LHFPL4: variants seen among roughly 807,000 people sequenced by gnomAD.
The protein encoded by LHFPL4 is LHFPL tetraspan subfamily member 4.
In LHFPL4, 6 loss-of-function variants were observed where a neutral mutation model predicts 20.0. That is an observed-to-expected ratio of 0.30 (90% CI 0.16 to 0.59). LHFPL4 has a LOEUF of 0.59. LHFPL4 is among the 20% of genes least tolerant of loss of function. The pLI is 0.88. For missense variants in LHFPL4, 215 were observed against 331.2 expected (o/e 0.65, Z 2.72); for synonymous variants, 129 against 143.8 (o/e 0.90, Z 0.74).
chr3:9,507,539 C>T (rs186884380), intron 2 of LHFPL4, among the ~76,000 whole-genome samples: 1 of 152,272 alleles, frequency 6.6e-6, no homozygotes, highest in Non-Finnish European at 1.5e-5. Flanking sequence ...AGTCATAATG[C>T]CAAAAGTAAT....
chr3:9,544,275 A>C (rs925002282), intron 2 of LHFPL4, among the ~76,000 whole-genome samples: 2 of 148,068 alleles, frequency 1.4e-5, no homozygotes, highest in Non-Finnish European at 2.9e-5. Flanking sequence ...AAGTCTGGAA[A>C]TAATTACAAT....
intron 2 of LHFPL4, among the ~76,000 whole-genome samples, chr3:9,518,915 G>C (rs1005828086): frequency 4.4e-4 from 44 of 99,858 alleles, no homozygotes; most frequent in South Asian, 2.9e-3. Flanking sequence ...CACCACATTG[G>C]CTAATTTTTG....
chr3:9,505,677 G>T (rs1240616045), intron 3 of LHFPL4, among the ~76,000 whole-genome samples: 2 of 152,114 alleles, frequency 1.3e-5, no homozygotes, highest in Non-Finnish European at 2.9e-5. Flanking sequence ...ACCCGCCTCG[G>T]CCTCCCAAAG....
chr3:9,518,241 A>G (rs1419301916), intron 2 of LHFPL4, among the ~76,000 whole-genome samples: 2 of 152,236 alleles, frequency 1.3e-5, no homozygotes, highest in Non-Finnish European at 2.9e-5. Flanking sequence ...CCAGGTTGGC[A>G]TACTTGGAAT....
chr3:9,527,541 C>T (rs996802496), intron 2 of LHFPL4, among the ~76,000 whole-genome samples: 2 of 151,830 alleles, frequency 1.3e-5, no homozygotes, highest in Non-Finnish European at 2.9e-5. Context: ...CATGGTGAAA[C>T]CCCATCTCTA....
chr3:9,552,195 C>A (rs2046559410), intron 2 of LHFPL4, 79 bp downstream of exon 2: 1 of 1,515,370 alleles, frequency 6.6e-7, no homozygotes, highest in East Asian at 2.3e-5. Context: ...CTATCCGACT[C>A]CTTCAGGAAG....
intron 2 of LHFPL4, among the ~76,000 whole-genome samples, chr3:9,522,711 C>G (rs1379737924): frequency 6.9e-6 from 1 of 144,092 alleles, no homozygotes; most frequent in Non-Finnish European, 1.5e-5. Context: ...CCATTGCACT[C>G]CAGCCTGAGC....
chr3:9,517,768 C>A (rs1167870051), intron 2 of LHFPL4, among the ~76,000 whole-genome samples: 1 of 141,838 alleles, frequency 7.1e-6, no homozygotes, highest in East Asian at 2.0e-4. Flanking sequence ...ACGTTATATT[C>A]TGCAATCTTG....
intron 2 of LHFPL4, among the ~76,000 whole-genome samples, chr3:9,517,758 A>G (rs2046312523): frequency 6.9e-6 from 1 of 145,734 alleles, no homozygotes; most frequent in Admixed American, 6.8e-5. Context: ...TTCTATATTG[A>G]CGTTATATTC....
At chr3:9,518,938 T>TTTATTTATTTATTTAC (rs2046320825) in intron 2 of LHFPL4, among the ~76,000 whole-genome samples, 1 of 143,784 alleles carries the variant, frequency 7.0e-6, no homozygotes, top group Admixed American at 7.1e-5. Context: ...TATTTATTTA[T>TTTATTTATTTATTTAC]TTATTTATTT....
chr3:9,528,687 C>G (rs1469048705), intron 2 of LHFPL4, among the ~76,000 whole-genome samples: 1 of 152,216 alleles, frequency 6.6e-6, no homozygotes, highest in Non-Finnish European at 1.5e-5. Flanking sequence ...GCAATCTCAG[C>G]TCACTGCAAC....
At chr3:9,521,806 C>G (rs1243341900) in intron 2 of LHFPL4, among the ~76,000 whole-genome samples, 1 of 152,028 alleles carries the variant, frequency 6.6e-6, no homozygotes, top group Non-Finnish European at 1.5e-5. Flanking sequence ...TAAAAGACAA[C>G]ATATAACTGA....
chr3:9,509,221 C>T (rs2046240941), intron 2 of LHFPL4, among the ~76,000 whole-genome samples: 1 of 144,414 alleles, frequency 6.9e-6, no homozygotes, highest in African/African-American at 2.6e-5. Context: ...CTCTTCCCCA[C>T]CCTTTTCATC....
intron 2 of LHFPL4, among the ~76,000 whole-genome samples, chr3:9,546,346 C>A (rs2046512841): frequency 6.6e-6 from 1 of 150,752 alleles, no homozygotes; most frequent in South Asian, 2.1e-4. Context: ...AAAAAAAGAA[C>A]ACACAACTGG....
intron 2 of LHFPL4, among the ~76,000 whole-genome samples, chr3:9,525,526 T>A (rs1339596860): frequency 2.6e-5 from 4 of 152,220 alleles, no homozygotes; most frequent in South Asian, 2.1e-4. Flanking sequence ...TTTGTTTGGC[T>A]TTTTACTTGC....
chr3:9,515,423 A>G (rs73130151), intron 2 of LHFPL4, among the ~76,000 whole-genome samples: 29,266 of 151,968 alleles, frequency 0.19, 3,513 homozygotes, highest in East Asian at 0.41. Flanking sequence ...GCCCAGGCTG[A>G]AGTTCAGGGG....
At chr3:9,504,464 T>C (rs577624182) in intron 3 of LHFPL4, among the ~76,000 whole-genome samples, 44 of 152,106 alleles carry the variant, frequency 2.9e-4, no homozygotes, top group African/African-American at 1.0e-3. Flanking sequence ...CTTCCTCCCC[T>C]TCCATCATAA....
chr3:9,552,981 G>A (rs1216505773), intron 1 of LHFPL4, 134 bp from the exon 2 acceptor site: 2 of 136,042 alleles, frequency 1.5e-5, no homozygotes, highest in East Asian at 5.1e-4. Flanking sequence ...TATGAGACCT[G>A]GAAGTGCGGG....
chr3:9,524,518 G>T (rs1213473157), intron 2 of LHFPL4, among the ~76,000 whole-genome samples: 2 of 152,010 alleles, frequency 1.3e-5, no homozygotes, highest in Non-Finnish European at 2.9e-5. Context: ...TCTTTCCTCA[G>T]CCATGGCCAG....
Sources: gnomAD v4.1 joint callset for allele counts (sites outside exome capture counted in the v4.1 genomes callset) on GRCh38, gnomAD v4.1.1 for gene constraint, MANE v1.5 for transcripts, NCBI Gene and HGNC (gene_info 2026-07-23, HGNC 2026-07-21) for gene names.